The following NPIPB15 variants were observed in gnomAD, a reference collection of about 807,000 sequenced individuals.
NPIPB15 encodes the protein nuclear pore complex-interacting protein family member B15.
NPIPB15 carries 5 observed loss-of-function variants against 35.9 expected under a neutral mutation model. That is an observed-to-expected ratio of 0.14 (90% CI 0.07 to 0.29). NPIPB15 has a LOEUF of 0.29. NPIPB15 is among the 10% of genes least tolerant of loss of function. The pLI, the probability that NPIPB15 is intolerant of heterozygous loss-of-function variation, is 1.00. For missense variants in NPIPB15, 100 were observed against 506.1 expected, an observed-to-expected ratio of 0.20 and a Z score of 7.70; for synonymous variants, 43 against 182.0, an observed-to-expected ratio of 0.24 and a Z score of 6.15.
At chr16:74,379,413 A>G (rs1359230862) in intron 2 of NPIPB15, among the ~76,000 whole-genome samples, 1 of 152,134 alleles carries the variant, frequency 6.6e-6, no homozygotes, top group African/African-American at 2.4e-5. Context: ...TGTTTTCAAG[A>G]ATATATAGTT....
At chr16:74,381,217 G>C (rs2011973821) in intron 2 of NPIPB15, 2 of 551,846 alleles carry the variant, frequency 3.6e-6, no homozygotes, top group East Asian at 6.7e-5. Flanking sequence ...GTTATGTGTG[G>C]CTCAAGACAA....
chr16:74,380,926 G>T (rs1415584953), intron 2 of NPIPB15, among the ~76,000 whole-genome samples: 1 of 152,238 alleles, frequency 6.6e-6, no homozygotes, highest in Non-Finnish European at 1.5e-5. Context: ...CAGGCAGATC[G>T]CCTGCCAGGA....
At position 74,376,490 on chromosome 16, in the gene NPIPB15, G is replaced by A. The variant is rs1348159002; in HGVS notation, c.-879G>A. On this transcript the variant is annotated 5_prime_UTR_variant, in exon 1 of 8. Coordinates refer to ENST00000692376, the MANE Select transcript of NPIPB15 (RefSeq NM_001306094.2). Reference sequence around the variant, plus strand: ...ACACATGATGCTGCCAAGCCCTCTGGGTATTGTGGGCAAATACCTTAGGAG... The same window carrying A: ...ACACATGATGCTGCCAAGCCCTCTGAGTATTGTGGGCAAATACCTTAGGAG... 7.6e-4 allele frequency among the ~76,000 whole-genome samples: 114 copies of A among 149,206 alleles called. 1 individual carries two copies. Among genetic ancestry groups the A allele is most frequent in the African/African-American group, 2.6e-3 (107 of 40,478 alleles).
At chr16:74,388,768 CAG>C in intron 5 of NPIPB15, 1 of 964,044 alleles carries the variant, frequency 1.0e-6, no homozygotes, top group Non-Finnish European at 1.2e-6. Flanking sequence ...GTATCAGAGG[CAG>C]AGGAAAATGG....
Position 74,379,274 on chromosome 16 carries a change from C to G in NPIPB15, c.66+1235C>G, listed in dbSNP as rs573450033. On this transcript the variant is annotated intron_variant, in intron 2 of 7. Coordinates refer to ENST00000692376, the MANE Select transcript of NPIPB15 (RefSeq NM_001306094.2). ...CTGCTCAACACCATGTTTCTGAAATCATTACCGTTGTTGTATGGTTCTCTA... is the reference window on the plus strand; with the variant it reads ...CTGCTCAACACCATGTTTCTGAAATGATTACCGTTGTTGTATGGTTCTCTA... Among the ~76,000 whole-genome samples, 3 of 152,220 alleles carry G rather than the reference C, an allele frequency of 2.0e-5. No individual in the cohort carries two copies. In the South Asian group the frequency reaches 6.2e-4, roughly 31 times the overall value.
intron 5 of NPIPB15, among the ~76,000 whole-genome samples, chr16:74,389,448 C>T (rs373962900): frequency 1.1e-4 from 16 of 149,300 alleles, no homozygotes; most frequent in Admixed American, 6.3e-4. Flanking sequence ...TCTTGGCTCA[C>T]TGCAACCTCC....
intron 1 of NPIPB15, among the ~76,000 whole-genome samples, 131 bp downstream of exon 1, chr16:74,377,477 G>T (rs2011719392): frequency 6.6e-6 from 1 of 152,098 alleles, no homozygotes; most frequent in Non-Finnish European, 1.5e-5. Context: ...GGTCATCAGG[G>T]ATTGGTGGAG....
intron 2 of NPIPB15, among the ~76,000 whole-genome samples, chr16:74,379,281 G>A (rs150369170): frequency 0.13 from 16,991 of 129,228 alleles, 1,308 homozygotes; most frequent in African/African-American, 0.3. Flanking sequence ...AATCATTACC[G>A]TTGTTGTATG....
chr16:74,383,798 C>G (rs888009397), intron 3 of NPIPB15, among the ~76,000 whole-genome samples: 4 of 152,040 alleles, frequency 2.6e-5, no homozygotes, highest in East Asian at 2.0e-4. Flanking sequence ...CACCTATAAT[C>G]CCAGCTACTT....
At chr16:74,377,661 GC>G (rs1597149511) in intron 1 of NPIPB15, among the ~76,000 whole-genome samples, 1 of 151,832 alleles carries the variant, frequency 6.6e-6, no homozygotes, top group Admixed American at 6.6e-5. Context: ...CCTTCCACCA[GC>G]GCTTGAGAAC....
At position 74,391,599 on chromosome 16, in the gene NPIPB15, A is replaced by C. The variant is rs1234442509; in HGVS notation, c.851A>C (p.Glu284Ala). ...LPPSVDDNIK[E>A]CPLAPLPPSV... ...CCCTCAGTGGATGATAATATCAAGGAGTGTCCTCTTGCTCCTCTTCCACCC... is the reference window on the plus strand; with the variant it reads ...CCCTCAGTGGATGATAATATCAAGGCGTGTCCTCTTGCTCCTCTTCCACCC... The change falls in exon 8 of 8, where the codon GAG (glutamate) becomes GCG (alanine). Residue 284 changes from glutamate (E) to alanine (A), a missense_variant. By Grantham distance (107) the Glu-to-Ala change is moderately radical. Coordinates refer to ENST00000692376, the MANE Select transcript of NPIPB15 (RefSeq NM_001306094.2). 6.2e-7 allele frequency: 1 copy of C among 1,613,878 alleles called. No individual in the cohort carries two copies. Among genetic ancestry groups the C allele is most frequent in the Admixed American group, 1.7e-5 (1 of 59,984 alleles).
At position 74,376,712 on chromosome 16, in the gene NPIPB15, G is replaced by A. The variant is rs1442304404; in HGVS notation, c.-657G>A. Among the ~76,000 whole-genome samples, 1 of 151,982 alleles carries A rather than the reference G, an allele frequency of 6.6e-6. No homozygotes were observed. The highest frequency in any genetic ancestry group is 1.5e-5 in the Non-Finnish European group (1 of 68,016). ...ATGTTAAAATGTCTAGGTGGGTTAG[G>A]GGTGATTTGAGATCACACAACCTTG... On this transcript the variant is annotated 5_prime_UTR_variant, in exon 1 of 8. Transcript: ENST00000692376.
intron 2 of NPIPB15, among the ~76,000 whole-genome samples, chr16:74,380,899 A>G (rs1282279207): frequency 1.1e-4 from 16 of 152,278 alleles, no homozygotes; most frequent in African/African-American, 3.9e-4. Flanking sequence ...TAATCCCAGT[A>G]CTTTCAGAGG....
At position 74,378,508 on chromosome 16, in the gene NPIPB15, C is replaced by A. The variant is rs1206187222; in HGVS notation, c.66+469C>A. Among the ~76,000 whole-genome samples the A allele has an allele frequency of 1.2e-3, 166 of 140,146 alleles. 1 individual carries two copies. The highest frequency in any genetic ancestry group is 3.7e-3 in the South Asian group (16 of 4,270). The allele number at this position is 140,146 out of a possible 152,430, so 91.9% of individuals were successfully genotyped here. Reference sequence around the variant, plus strand: ...GTGGCAAGATCTCGGCTCACTGCAACCTCCGCTTCCGGGGTTCAAGCAATT... The same window carrying A: ...GTGGCAAGATCTCGGCTCACTGCAAACTCCGCTTCCGGGGTTCAAGCAATT... On this transcript the variant is annotated intron_variant, in intron 2 of 7. Coordinates refer to ENST00000692376, the MANE Select transcript of NPIPB15 (RefSeq NM_001306094.2).
chr16:74,386,499 C>T (rs2012290801), intron 5 of NPIPB15, among the ~76,000 whole-genome samples: 1 of 127,808 alleles, frequency 7.8e-6, no homozygotes, highest in Non-Finnish European at 1.6e-5. Flanking sequence ...CACTCTGTCA[C>T]CCAGGCTAGA....
At position 74,376,731 on chromosome 16, in the gene NPIPB15, A is replaced by C. The variant is rs1386154319; in HGVS notation, c.-638A>C. The stretch of plus-strand genomic sequence containing the variant: ...GGTTAGGGGTGATTTGAGATCACAC[A>C]ACCTTGTGCCACAAAGAGGAATTCC... On this transcript the variant is annotated 5_prime_UTR_variant, in exon 1 of 8. Coordinates refer to ENST00000692376, the MANE Select transcript of NPIPB15 (RefSeq NM_001306094.2). Among the ~76,000 whole-genome samples, 3 of 151,856 alleles carry C rather than the reference A, an allele frequency of 2.0e-5. No homozygotes were observed. In the East Asian group the frequency reaches 5.8e-4, roughly 29 times the overall value.
At chr16:74,388,439 CTT>C in intron 5 of NPIPB15, 1 of 951,094 alleles carries the variant, frequency 1.1e-6, no homozygotes, top group Non-Finnish European at 1.2e-6. Flanking sequence ...TTTTAATAGT[CTT>C]TATATTTACT....
chr16:74,380,896 A>G (rs2011951922), intron 2 of NPIPB15, among the ~76,000 whole-genome samples: 1 of 152,404 alleles, frequency 6.6e-6, no homozygotes, highest in Middle Eastern at 3.4e-3. Flanking sequence ...CTGTAATCCC[A>G]GTACTTTCAG....
chr16:74,389,363 G>GTT lies in NPIPB15; in HGVS notation c.546-456_546-455dup, dbSNP rs1393315062. ...GCAACAGTTTGGATCAGACCGTACA[G>GTT]TTTTTTTGTTTTTGTTTTTGTTTTT... On this transcript the variant is annotated intron_variant, in intron 5 of 7. Coordinates refer to ENST00000692376, the MANE Select transcript of NPIPB15 (RefSeq NM_001306094.2). 1.3e-4 allele frequency among the ~76,000 whole-genome samples: 20 copies of GTT among 149,398 alleles called. No individual in the cohort carries two copies. In the South Asian group the frequency reaches 2.7e-3, roughly 20 times the overall value.
Sources: gnomAD v4.1 joint callset for allele counts (sites outside exome capture counted in the v4.1 genomes callset) on GRCh38, gnomAD v4.1.1 for gene constraint, MANE v1.5 for transcripts, NCBI Gene and HGNC (gene_info 2026-07-23, HGNC 2026-07-21) for gene names.